CA10: variants seen among roughly 807,000 people sequenced by gnomAD.
CA10 encodes the protein carbonic anhydrase-related protein 10.
Under a neutral mutation model 44.2 loss-of-function variants are expected in CA10, and 14 were observed. That is an observed-to-expected ratio of 0.32 (90% CI 0.21 to 0.50). The LOEUF is 0.50. Among genes scored for constraint, CA10 ranks in the 20% least tolerant of loss-of-function variants. CA10 has a pLI of 0.99. For synonymous variants in CA10, 159 were observed against 141.6 expected, an observed-to-expected ratio of 1.12 and a Z score of -0.87; for missense variants, 350 against 409.7, an observed-to-expected ratio of 0.85 and a Z score of 1.26.
intron 1 of CA10, among the ~76,000 whole-genome samples, chr17:52,125,164 G>A (rs1989092917): frequency 6.6e-6 from 1 of 152,250 alleles, no homozygotes; most frequent in Non-Finnish European, 1.5e-5. Context: ...GAAGCCCGCT[G>A]AGTCAGCGTT....
At chr17:51,900,123 G>T (rs1176296280) in intron 3 of CA10, among the ~76,000 whole-genome samples, 1 of 152,024 alleles carries the variant, frequency 6.6e-6, no homozygotes, top group Non-Finnish European at 1.5e-5. Context: ...GCTTTATAGT[G>T]TCAATATTCT....
chr17:51,940,909 G>T (rs568481709), intron 2 of CA10, among the ~76,000 whole-genome samples: 2 of 152,192 alleles, frequency 1.3e-5, no homozygotes, highest in South Asian at 4.1e-4. Context: ...CAAAGTGATA[G>T]TGAAAAATCA....
At chr17:51,898,161 C>T (rs1981153872) in intron 3 of CA10, among the ~76,000 whole-genome samples, 1 of 152,100 alleles carries the variant, frequency 6.6e-6, no homozygotes, top group Non-Finnish European at 1.5e-5. Flanking sequence ...AAGGGGAATT[C>T]TTCCAGCTTT....
intron 1 of CA10, among the ~76,000 whole-genome samples, chr17:52,087,398 TC>T (rs1412258818): frequency 1.3e-5 from 2 of 152,212 alleles, no homozygotes; most frequent in Admixed American, 6.5e-5. Flanking sequence ...TGCCTTGGCC[TC>T]CCAAAGTGCT....
Position 51,849,824 on chromosome 17 carries a change from G to A in CA10, c.279+81166C>T, listed in dbSNP as rs564456098. Among the ~76,000 whole-genome samples the A allele has an allele frequency of 6.6e-5, 10 of 152,240 alleles. No individual in the cohort carries two copies. The East Asian group carries it at 1.5e-3, about 24-fold the overall frequency. On this transcript the variant is annotated intron_variant, in intron 3 of 8. Transcript: ENST00000451037. ...GATATCACAGCCGCTGTCATGCCGA[G>A]GGCTGTGACCACACCAAGAATGAGA...
At chr17:51,914,861 T>C in intron 3 of CA10, among the ~76,000 whole-genome samples, 1 of 152,208 alleles carries the variant, frequency 6.6e-6, no homozygotes, top group South Asian at 2.1e-4. Flanking sequence ...ATTTAACAAC[T>C]GCACATTTCA....
At chr17:51,975,583 G>A (rs981240867) in intron 2 of CA10, among the ~76,000 whole-genome samples, 2 of 152,228 alleles carry the variant, frequency 1.3e-5, no homozygotes, top group African/African-American at 4.8e-5. Flanking sequence ...GAGAGGCTGA[G>A]GCAGGAGAAT....
chr17:51,855,724 G>A (rs1305328124), intron 3 of CA10, among the ~76,000 whole-genome samples: 2 of 152,178 alleles, frequency 1.3e-5, no homozygotes, highest in Non-Finnish European at 2.9e-5. Flanking sequence ...GTTTAATAAC[G>A]TTGAAATCTG....
chr17:52,136,797 G>A lies in CA10; in HGVS notation c.61+20929C>T, dbSNP rs112433157. ...TATGGATGGAAGGAAGGAGGTGACA[G>A]AAGAGAGTATATTTCATGTATATTC... On this transcript the variant is annotated intron_variant, in intron 1 of 8. Coordinates refer to ENST00000451037, the MANE Select transcript of CA10 (RefSeq NM_020178.5). 7.7e-3 allele frequency among the ~76,000 whole-genome samples: 1,169 copies of A among 152,274 alleles called. 7 individuals carry two copies. Among genetic ancestry groups the A allele is most frequent in the South Asian group, 0.022 (105 of 4,830 alleles).
At chr17:51,786,703 A>G (rs1242030953) in intron 3 of CA10, among the ~76,000 whole-genome samples, 2 of 152,176 alleles carry the variant, frequency 1.3e-5, no homozygotes, top group African/African-American at 2.4e-5. Flanking sequence ...ATTGAGTACT[A>G]ACATATTACT....
intron 4 of CA10, among the ~76,000 whole-genome samples, chr17:51,688,202 C>G (rs1162185359): frequency 6.6e-6 from 1 of 152,188 alleles, no homozygotes; most frequent in South Asian, 2.1e-4. Flanking sequence ...TCTTCTACCC[C>G]AGTCAAGCCT....
intron 3 of CA10, among the ~76,000 whole-genome samples, chr17:51,865,359 T>C (rs1979495518): frequency 6.6e-6 from 1 of 152,342 alleles, no homozygotes; most frequent in South Asian, 2.1e-4. Flanking sequence ...GTCTGGAACA[T>C]GGTAGGTGTT....
intron 2 of CA10, among the ~76,000 whole-genome samples, chr17:52,031,469 G>A (rs777674441): frequency 1.3e-5 from 2 of 151,952 alleles, no homozygotes; most frequent in African/African-American, 2.4e-5. Context: ...ACTCTCCAAC[G>A]GGTAAAGCAC....
At chr17:51,950,324 C>T (rs1983433098) in intron 2 of CA10, among the ~76,000 whole-genome samples, 1 of 152,116 alleles carries the variant, frequency 6.6e-6, no homozygotes, top group African/African-American at 2.4e-5. Context: ...ACACTGCTTT[C>T]CCCTTCTCTG....
intron 3 of CA10, among the ~76,000 whole-genome samples, chr17:51,842,780 T>C (rs1023322120): frequency 6.6e-6 from 1 of 151,922 alleles, no homozygotes; most frequent in Non-Finnish European, 1.5e-5. Context: ...AAGTTAACAG[T>C]ATATGGTATG....
chr17:52,153,027 G>A (rs1273486580), intron 1 of CA10, among the ~76,000 whole-genome samples: 1 of 151,968 alleles, frequency 6.6e-6, no homozygotes, highest in Admixed American at 6.6e-5. Context: ...TTTGACCTTA[G>A]TCCCAAGTAT....
chr17:51,701,523 C>T (rs1915604116), intron 4 of CA10, among the ~76,000 whole-genome samples: 2 of 152,180 alleles, frequency 1.3e-5, no homozygotes, highest in South Asian at 2.1e-4. Context: ...TACCTCTGCT[C>T]AATAAATTCT....
intron 4 of CA10, among the ~76,000 whole-genome samples, chr17:51,665,390 C>G (rs529199215): frequency 1.3e-5 from 2 of 152,122 alleles, no homozygotes; most frequent in African/African-American, 4.8e-5. Context: ...TGAGTCACTG[C>G]TCCCTTTTAG....
intron 3 of CA10, among the ~76,000 whole-genome samples, chr17:51,784,686 GA>G (rs1381238579): frequency 6.6e-6 from 1 of 152,134 alleles, no homozygotes; most frequent in Non-Finnish European, 1.5e-5. Flanking sequence ...TGCAGTACAA[GA>G]GATGTTTTGT....
Sources: gnomAD v4.1 joint callset for allele counts (sites outside exome capture counted in the v4.1 genomes callset) on GRCh38, gnomAD v4.1.1 for gene constraint, MANE v1.5 for transcripts, NCBI Gene and HGNC (gene_info 2026-07-23, HGNC 2026-07-21) for gene names.